CSF2RB: variants seen among roughly 807,000 people sequenced by gnomAD.
CSF2RB encodes colony stimulating factor 2 receptor subunit beta, also known as cytokine receptor common subunit beta.
A neutral mutation model predicts 67.2 loss-of-function variants in CSF2RB; 22 were observed. That is an observed-to-expected ratio of 0.33 (90% CI 0.23 to 0.47). The LOEUF is 0.47. CSF2RB is among the 20% of genes least tolerant of loss of function. The pLI, the probability that CSF2RB is intolerant of heterozygous loss-of-function variation, is 1.00. For missense variants in CSF2RB, 1,113 were observed against 1,174.5 expected (o/e 0.95, Z 0.76); for synonymous variants, 507 against 482.9 (o/e 1.05, Z -0.65).
In CSF2RB at chr22:36,938,451, C is replaced by T; in HGVS notation, c.2643C>T (p.Asp881=). The change falls in exon 14 of 14, where the codon GAC becomes GAT. Residue 881 remains aspartate, a synonymous_variant. Transcript: ENST00000403662. Reference sequence around the variant, plus strand: ...TCTTCAAAGCCCTGAAGCAGCAGGACTACCTGTCTCTGCCCCCTTGGGAGG... The same window carrying T: ...TCTTCAAAGCCCTGAAGCAGCAGGATTACCTGTCTCTGCCCCCTTGGGAGG... ...IQLFKALKQQ[D]YLSLPPWEVN... is the part of the protein sequence containing the mutation. 1 of 1,614,198 alleles carries T rather than the reference C, an allele frequency of 6.2e-7. No individual in the cohort carries two copies. The highest frequency in any genetic ancestry group is 1.1e-5 in the South Asian group (1 of 91,088).
At chr22:36,920,718 T>C (rs2145776268) in intron 1 of CSF2RB, among the ~76,000 whole-genome samples, 1 of 152,356 alleles carries the variant, frequency 6.6e-6, no homozygotes, top group East Asian at 1.9e-4. Flanking sequence ...ATGTCTCCTA[T>C]GCTTTTAAGC....
At chr22:36,924,998 C>T (rs1445854601) in intron 3 of CSF2RB, among the ~76,000 whole-genome samples, 3 of 152,190 alleles carry the variant, frequency 2.0e-5, no homozygotes, top group African/African-American at 4.8e-5. Context: ...GCCCTCCAGG[C>T]GTACTGGCCT....
chr22:36,928,967 C>T (rs77363408), intron 4 of CSF2RB, among the ~76,000 whole-genome samples: 1,804 of 152,236 alleles, frequency 0.012, 27 homozygotes, highest in South Asian at 0.059. Context: ...TTCCTAGAGC[C>T]GGAGGCATTT....
chr22:36,933,035 G>A, intron 9 of CSF2RB, 131 bp downstream of exon 9: 1 of 1,090,614 alleles, frequency 9.2e-7, no homozygotes, highest in South Asian at 1.5e-5. Flanking sequence ...ACTGGGACGT[G>A]GTGATCACTA....
chr22:36,939,136 G>A lies in CSF2RB; in HGVS notation c.*634G>A. The A allele has an allele frequency of 1.4e-6, 1 of 702,296 alleles. No individual in the cohort carries two copies. The highest frequency in any genetic ancestry group is 2.0e-5 in the Admixed American group (1 of 49,992). 43.5% of individuals were successfully genotyped at this position (702,296 alleles called of 1,614,324 possible). On this transcript the variant is annotated 3_prime_UTR_variant, in exon 14 of 14. Transcript: ENST00000403662. Reference sequence around the variant, plus strand: ...AATGGGCATGGTATTGGGGGTCGGGGGGGCGGTGCAAGGGACGCACATGAG... The same window carrying A: ...AATGGGCATGGTATTGGGGGTCGGGAGGGCGGTGCAAGGGACGCACATGAG...
intron 13 of CSF2RB, among the ~76,000 whole-genome samples, chr22:36,936,916 G>A (rs149581297): frequency 1.3e-5 from 2 of 152,250 alleles, no homozygotes; most frequent in East Asian, 1.9e-4. Context: ...TGCCTCAGAG[G>A]CGTCACACTG....
Position 36,933,818 on chromosome 22 carries a change from G to C in CSF2RB, c.1153-14G>C. ...GGCACCGGGCCAGGCCTCACCCTCAGTGCCAACCCACAGGACAGCAAGACC... is the reference window on the plus strand; with the variant it reads ...GGCACCGGGCCAGGCCTCACCCTCACTGCCAACCCACAGGACAGCAAGACC... On this transcript the variant is annotated splice_polypyrimidine_tract_variant and intron_variant, in intron 9 of 13. Transcript: ENST00000403662. 1 of 1,602,652 alleles carries C rather than the reference G, an allele frequency of 6.2e-7. No individual in the cohort carries two copies. Among genetic ancestry groups the C allele is most frequent in the Non-Finnish European group, 8.5e-7 (1 of 1,177,804 alleles).
In CSF2RB at chr22:36,936,681, C is replaced by T. The variant is rs202200240; in HGVS notation, c.1568+29C>T. 2,287 of 1,580,182 alleles carry T rather than the reference C, an allele frequency of 1.4e-3. 38 individuals are homozygous for T. Among genetic ancestry groups the T allele is most frequent in the Non-Finnish European group, 1.0e-4 (121 of 1,153,732 alleles). On this transcript the variant is annotated intron_variant, in intron 13 of 13. Coordinates refer to ENST00000403662, the MANE Select transcript of CSF2RB (RefSeq NM_000395.3). ...AGTGGGCTCGTGGATCACTCCTGAC[C>T]TTTGGGGTTCATACGGGGGGCTGAC... is the stretch of plus-strand genomic sequence containing the variant.
At chr22:36,931,256 A>G (rs1941142828) in intron 8 of CSF2RB, among the ~76,000 whole-genome samples, 1 of 152,324 alleles carries the variant, frequency 6.6e-6, no homozygotes, top group Middle Eastern at 3.4e-3. Flanking sequence ...GGTGTGTACA[A>G]ATAGTGTTGA....
chr22:36,926,053 C>T lies in CSF2RB; in HGVS notation c.267C>T (p.Pro89=), dbSNP rs186958325. ...TGCCCTGGTCAGCCTGCCCCCATCC[C>T]CGCTGCGTGCCCAGGAGATGTGTCA... ...DDMPWSACPH[P]RCVPRRCVIP... Residue 89 remains proline (P), a synonymous_variant, in exon 4 of 14, where the codon CCC becomes CCT. Transcript: ENST00000403662. 6 of 1,614,246 alleles carry T rather than the reference C, an allele frequency of 3.7e-6. No homozygotes were observed. In the Admixed American group the frequency reaches 1.0e-4, roughly 27 times the overall value.
intron 1 of CSF2RB, 44 bp from the exon 2 acceptor site, chr22:36,921,992 G>T: frequency 1.2e-5 from 7 of 598,838 alleles, no homozygotes; most frequent in Non-Finnish European, 1.8e-5. Context: ...CCTGGGACAC[G>T]TGGAAGGGGA....
intron 3 of CSF2RB, 125 bp from the exon 4 acceptor site, chr22:36,925,860 TTG>T: frequency 1.9e-6 from 2 of 1,051,050 alleles, no homozygotes; most frequent in Non-Finnish European, 1.4e-6. Context: ...GGCAGGATTT[TTG>T]TGTGTTTTAT....
chr22:36,933,280 G>A (rs145355630), intron 9 of CSF2RB, among the ~76,000 whole-genome samples: 82 of 152,346 alleles, frequency 5.4e-4, no homozygotes, highest in African/African-American at 1.7e-3. Flanking sequence ...CTCAGACAGA[G>A]CTGCTTCTAA....
chr22:36,925,408 T>C (rs758837067), intron 3 of CSF2RB, among the ~76,000 whole-genome samples: 3 of 152,168 alleles, frequency 2.0e-5, no homozygotes, highest in Admixed American at 1.3e-4. Context: ...AGGAATCCTT[T>C]CAAAGCATTT....
At chr22:36,916,435 C>A (rs756958702) in intron 1 of CSF2RB, among the ~76,000 whole-genome samples, 1 of 152,184 alleles carries the variant, frequency 6.6e-6, no homozygotes, top group African/African-American at 2.4e-5. Context: ...CCTATTACAT[C>A]CTAGGCTTCT....
chr22:36,935,345 T>C lies in CSF2RB; in HGVS notation c.1316-6T>C. ...GACATTCCTCTTTCTCCCCGGCTGCTGGAAGTGCTGCCTATGTGGGTGCTG... is the reference window on the plus strand; with the variant it reads ...GACATTCCTCTTTCTCCCCGGCTGCCGGAAGTGCTGCCTATGTGGGTGCTG... On this transcript the variant is annotated splice_polypyrimidine_tract_variant and splice_region_variant and intron_variant, in intron 10 of 13. Transcript: ENST00000403662. 6.2e-7 allele frequency: 1 copy of C among 1,614,120 alleles called. No homozygotes were observed. Among genetic ancestry groups the C allele is most frequent in the Non-Finnish European group, 8.5e-7 (1 of 1,179,954 alleles).
At chr22:36,921,747 C>G (rs955919329) in intron 1 of CSF2RB, among the ~76,000 whole-genome samples, 2 of 152,140 alleles carry the variant, frequency 1.3e-5, no homozygotes, top group Admixed American at 6.5e-5. Flanking sequence ...ACTGTGGCAT[C>G]CAACAGCCGT....
chr22:36,935,696 T>G lies in CSF2RB; in HGVS notation c.1464+9T>G. The G allele has an allele frequency of 6.2e-7, 1 of 1,613,426 alleles. No individual in the cohort carries two copies. ...AGAGCCACCTGTTCCAGGTAGGAAC[T>G]GGCTGCGAGGGGCGGAGTGGGGGCT... On this transcript the variant is annotated intron_variant, in intron 12 of 13. Coordinates refer to ENST00000403662, the MANE Select transcript of CSF2RB (RefSeq NM_000395.3).
Position 36,939,308 on chromosome 22 carries a change from G to A in CSF2RB, c.*806G>A, listed in dbSNP as rs1941340788. 5.7e-6 allele frequency: 4 copies of A among 701,496 alleles called. No individual in the cohort carries two copies. Among genetic ancestry groups the A allele is most frequent in the Middle Eastern group, 2.3e-4 (1 of 4,364 alleles). The allele number at this position is 701,496 out of a possible 1,614,324, so 43.5% of individuals were successfully genotyped here. On this transcript the variant is annotated 3_prime_UTR_variant, in exon 14 of 14. Transcript: ENST00000403662. ...GCGGGACCTGGGGAACATCAGGAGA[G>A]GAGTCCAGAGCCCACGTCTACTGCG...
Sources: gnomAD v4.1 joint callset for allele counts (sites outside exome capture counted in the v4.1 genomes callset) on GRCh38, gnomAD v4.1.1 for gene constraint, MANE v1.5 for transcripts, NCBI Gene and HGNC (gene_info 2026-07-23, HGNC 2026-07-21) for gene names.